The following FILIP1L variants were observed in gnomAD, a reference collection of about 807,000 sequenced individuals.
FILIP1L encodes the protein filamin A interacting protein 1 like.
In FILIP1L, 55 loss-of-function variants were observed where a neutral mutation model predicts 96.6. That is an observed-to-expected ratio of 0.57 (90% CI 0.46 to 0.71). The LOEUF is 0.71. Among genes scored for constraint, FILIP1L ranks in the 30% least tolerant of loss-of-function variants. The pLI is 0.00. For synonymous variants in FILIP1L, 467 were observed against 473.9 expected (o/e 0.99, Z 0.19); for missense variants, 1,304 against 1,321.2 (o/e 0.99, Z 0.20).
intron 1 of FILIP1L, among the ~76,000 whole-genome samples, chr3:100,048,477 G>A (rs367680118): frequency 7.8e-4 from 119 of 152,228 alleles, no homozygotes; most frequent in Middle Eastern, 6.8e-3. Context: ...GCTGTGACAC[G>A]GAGCTCACTC....
chr3:99,909,585 G>A (rs1434176099), intron 4 of FILIP1L, among the ~76,000 whole-genome samples: 1 of 152,136 alleles, frequency 6.6e-6, no homozygotes, highest in Non-Finnish European at 1.5e-5. Context: ...TAGAGTAAGA[G>A]AATGAGTAGA....
intron 1 of FILIP1L, among the ~76,000 whole-genome samples, chr3:100,050,958 T>C (rs968662551): frequency 2.0e-5 from 3 of 152,220 alleles, no homozygotes; most frequent in Non-Finnish European, 4.4e-5. Context: ...GTCAGCTCTA[T>C]AATGCCCTCT....
At chr3:100,056,279 C>G (rs907110791) in intron 1 of FILIP1L, among the ~76,000 whole-genome samples, 3 of 152,186 alleles carry the variant, frequency 2.0e-5, no homozygotes, top group African/African-American at 7.2e-5. Context: ...ACATTTCCAG[C>G]TGATAAATTG....
chr3:99,872,269 CTGTGTGTGTGTG>C (rs55727823), intron 4 of FILIP1L, among the ~76,000 whole-genome samples: 7,629 of 110,820 alleles, frequency 0.069, 264 homozygotes, highest in South Asian at 0.14. Context: ...TGTGCCAGGA[CTGTGTGTGTGTG>C]TGTGTGTGTG....
chr3:99,928,958 T>C (rs1225496196), intron 3 of FILIP1L, among the ~76,000 whole-genome samples: 1 of 152,226 alleles, frequency 6.6e-6, no homozygotes, highest in Non-Finnish European at 1.5e-5. Context: ...AGTAGTCTCT[T>C]CTCTCATGAG....
intron 1 of FILIP1L, among the ~76,000 whole-genome samples, chr3:99,994,728 A>AG (rs1247576728): frequency 6.6e-6 from 1 of 152,238 alleles, no homozygotes; most frequent in Non-Finnish European, 1.5e-5. Context: ...GGGAGGCCTC[A>AG]GAATCATGGT....
chr3:99,958,240 A>AT (rs1009001775), intron 1 of FILIP1L, among the ~76,000 whole-genome samples: 3 of 142,910 alleles, frequency 2.1e-5, no homozygotes, highest in African/African-American at 7.7e-5. Context: ...TATTATTATT[A>AT]TTATTATTAT....
At chr3:99,946,443 A>G (rs1708010706) in intron 1 of FILIP1L, among the ~76,000 whole-genome samples, 1 of 152,186 alleles carries the variant, frequency 6.6e-6, no homozygotes, top group African/African-American at 2.4e-5. Flanking sequence ...TAAACAAAAG[A>G]CTGCTTTCTT....
chr3:99,974,709 A>AAACAAC (rs371476675), intron 1 of FILIP1L, among the ~76,000 whole-genome samples: 16 of 152,022 alleles, frequency 1.1e-4, no homozygotes, highest in South Asian at 6.2e-4. Context: ...CTCCATCTCA[A>AAACAAC]AACAACAACA....
At chr3:100,105,581 T>G (rs559859102) in intron 1 of FILIP1L, among the ~76,000 whole-genome samples, 1 of 152,322 alleles carries the variant, frequency 6.6e-6, no homozygotes, top group African/African-American at 2.4e-5. Context: ...TCATATACCC[T>G]TTAAGCAGAA....
chr3:99,919,104 G>C (rs552498832), intron 4 of FILIP1L, among the ~76,000 whole-genome samples: 19 of 151,910 alleles, frequency 1.3e-4, no homozygotes, highest in Non-Finnish European at 2.5e-4. Flanking sequence ...TTGCTTTGTA[G>C]GATACCCTTA....
intron 4 of FILIP1L, among the ~76,000 whole-genome samples, chr3:99,873,210 T>A (rs1705327216): frequency 6.6e-6 from 1 of 152,248 alleles, no homozygotes; most frequent in Non-Finnish European, 1.5e-5. Flanking sequence ...CATCTTTAAA[T>A]CCTTATTTAA....
intron 1 of FILIP1L, among the ~76,000 whole-genome samples, chr3:99,943,938 T>A (rs1041047361): frequency 7.9e-5 from 12 of 152,274 alleles, no homozygotes; most frequent in African/African-American, 2.9e-4. Flanking sequence ...TTGGGAGGAT[T>A]AGAGATGACA....
At chr3:99,996,155 C>T (rs559372143) in intron 1 of FILIP1L, among the ~76,000 whole-genome samples, 1 of 152,260 alleles carries the variant, frequency 6.6e-6, no homozygotes, top group Non-Finnish European at 1.5e-5. Flanking sequence ...CAGGTCACCT[C>T]TTGAATGCTT....
intron 1 of FILIP1L, among the ~76,000 whole-genome samples, chr3:99,974,054 G>A (rs1214322830): frequency 4.6e-5 from 7 of 152,142 alleles, no homozygotes; most frequent in Admixed American, 1.3e-4. Context: ...GAACAAGAAG[G>A]TTTTCTGAAT....
Position 99,850,529 on chromosome 3 carries a change from C to A in FILIP1L, c.1147G>T (p.Glu383Ter). ...TTTATGAGCTCTTCATCTTTCCCTTCCATATCTAGCACACGTTTCCTGAGC... is the reference window on the plus strand; with the variant it reads ...TTTATGAGCTCTTCATCTTTCCCTTACATATCTAGCACACGTTTCCTGAGC... ...EELRKRVLDM[E>*]GKDEELIKME... The change falls in exon 5 of 6, where the codon GAA (glutamate) becomes TAA (stop). Residue 383 changes from glutamate (E) to a stop codon, truncating the protein, a stop_gained. Transcript: ENST00000477258. LOFTEE classifies it high-confidence loss of function. 1 of 1,613,474 alleles carries A rather than the reference C, an allele frequency of 6.2e-7. No individual in the cohort carries two copies. Among genetic ancestry groups the A allele is most frequent in the Non-Finnish European group, 8.5e-7 (1 of 1,179,946 alleles).
intron 1 of FILIP1L, among the ~76,000 whole-genome samples, chr3:99,962,239 G>A (rs971549599): frequency 1.3e-5 from 2 of 152,146 alleles, no homozygotes; most frequent in Non-Finnish European, 2.9e-5. Context: ...GAGGAGTGGG[G>A]AAAACAGATG....
chr3:99,944,107 G>A (rs1707933793), intron 1 of FILIP1L, among the ~76,000 whole-genome samples: 1 of 152,174 alleles, frequency 6.6e-6, no homozygotes, highest in Non-Finnish European at 1.5e-5. Context: ...TGGATTTTTA[G>A]CATCATGAGG....
chr3:99,842,267 A>G (rs571958339), intron 5 of FILIP1L, among the ~76,000 whole-genome samples: 53 of 152,310 alleles, frequency 3.5e-4, no homozygotes, highest in Non-Finnish European at 6.2e-4. Flanking sequence ...CTCACTCATA[A>G]GGAGGAGCTA....
Sources: allele counts gnomAD v4.1 joint callset (sites outside exome capture counted in the v4.1 genomes callset), GRCh38; gene constraint gnomAD v4.1.1; transcripts MANE v1.5; gene names NCBI Gene and HGNC (gene_info 2026-07-23, HGNC 2026-07-21).